UBR4: variants seen among roughly 807,000 people sequenced by gnomAD.
The protein encoded by UBR4 is ubiquitin protein ligase E3 component n-recognin 4.
UBR4 carries 124 observed loss-of-function variants against 575.6 expected under a neutral mutation model. That is an observed-to-expected ratio of 0.22 (90% CI 0.19 to 0.25). The LOEUF (loss-of-function observed/expected upper bound fraction) is 0.25, where lower values mean the gene tolerates loss of function less well. Among genes scored for constraint, UBR4 ranks in the 10% least tolerant of loss-of-function variants. The pLI, the probability that UBR4 is intolerant of heterozygous loss-of-function variation, is 1.00. For missense variants in UBR4, 4,818 were observed against 6,478.8 expected, an observed-to-expected ratio of 0.74 and a Z score of 8.80; for synonymous variants, 2,455 against 2,473.7, an observed-to-expected ratio of 0.99 and a Z score of 0.22.
At chr1:19,156,494 T>G in intron 41 of UBR4, 71 bp from the exon 42 acceptor site, 1 of 1,546,970 alleles carries the variant, frequency 6.5e-7, no homozygotes, top group South Asian at 1.2e-5. Context: ...TTCAGAGTAA[T>G]GACGTTCCCT....
At chr1:19,203,957 CT>C (rs1275112616) in intron 1 of UBR4, among the ~76,000 whole-genome samples, 1 of 151,950 alleles carries the variant, frequency 6.6e-6, no homozygotes, top group African/African-American at 2.4e-5. Flanking sequence ...CTAAATCCCC[CT>C]GTTTCTACCT....
At chr1:19,195,169 G>A (rs1247257507) in intron 8 of UBR4, among the ~76,000 whole-genome samples, 1 of 151,482 alleles carries the variant, frequency 6.6e-6, no homozygotes, top group Non-Finnish European at 1.5e-5. Context: ...GGAGGCTGAG[G>A]CAGGAGAATG....
chr1:19,172,475 C>T (rs1047883315), intron 25 of UBR4, among the ~76,000 whole-genome samples: 4 of 152,124 alleles, frequency 2.6e-5, no homozygotes, highest in African/African-American at 9.7e-5. Flanking sequence ...CAAGATCGCA[C>T]CATTGCACTC....
At chr1:19,147,827 AG>A (rs2085079828) in intron 51 of UBR4, among the ~76,000 whole-genome samples, 165 bp downstream of exon 51, 1 of 152,192 alleles carries the variant, frequency 6.6e-6, no homozygotes, top group Admixed American at 6.5e-5. Flanking sequence ...CTCGGTTTTG[AG>A]TGGCACTTGA....
At chr1:19,151,497 C>G (rs962105588) in intron 48 of UBR4, 146 bp downstream of exon 48, 1 of 852,744 alleles carries the variant, frequency 1.2e-6, no homozygotes, top group African/African-American at 1.7e-5. Context: ...TTTAATACAT[C>G]AAATGAAGCT....
intron 52 of UBR4, 53 bp from the exon 53 acceptor site, chr1:19,145,986 ATTTGT>A: frequency 4.3e-6 from 7 of 1,612,966 alleles, no homozygotes; most frequent in Non-Finnish European, 5.9e-6. Flanking sequence ...ATGGAATTTA[ATTTGT>A]TTTAAGGTTA....
rs1553226959 is a variant in UBR4 at position 19,190,312 on chromosome 1, A to AATAT, written c.1394+1872_1394+1875dup. 2.9e-3 allele frequency among the ~76,000 whole-genome samples: 230 copies of AATAT among 79,736 alleles called. 1 individual carries two copies. Among genetic ancestry groups the AATAT allele is most frequent in the Middle Eastern group, 0.014 (3 of 208 alleles). The allele number at this position is 79,736 out of a possible 152,430, so 52.3% of individuals were successfully genotyped here. A position where few individuals can be genotyped will look rare whatever the true frequency, so the allele number is the denominator to read the frequency against. ...TGCCTCAAAAAAAAAAAAAAAAAAA[A>AATAT]ATATATATATATATATATTTGTATG... On this transcript the variant is annotated intron_variant, in intron 11 of 105. Coordinates refer to ENST00000375254, the MANE Select transcript of UBR4 (RefSeq NM_020765.3).
intron 39 of UBR4, 32 bp downstream of exon 39, chr1:19,160,079 G>A (rs1300881534): frequency 5.0e-6 from 8 of 1,593,620 alleles, no homozygotes; most frequent in South Asian, 1.1e-5. Context: ...GGTTCCCACA[G>A]CCACCAAACA....
rs192408594 is a variant in UBR4 at position 19,201,705 on chromosome 1, G to C, written c.274+13C>G. On this transcript the variant is annotated intron_variant, in intron 2 of 105. Coordinates refer to ENST00000375254, the MANE Select transcript of UBR4 (RefSeq NM_020765.3). ...AAGCCCTCAGAAGGGAAGGACAAGA[G>C]TGGAATACTTACTGAGACTGCAAAC... 9.1e-5 allele frequency: 147 copies of C among 1,606,686 alleles called. 1 individual carries two copies. The African/African-American group carries it at 1.8e-3, about 19-fold the overall frequency.
Position 19,197,336 on chromosome 1 carries a change from T to C in UBR4, c.894-71A>G, listed in dbSNP as rs2092518641. The C allele has an allele frequency of 8.7e-6, 14 of 1,600,292 alleles. No homozygotes were observed. In the East Asian group the frequency reaches 3.1e-4, roughly 36 times the overall value. ...TTCTATAATGTGACAGTTAAAGAAA[T>C]TATCAGCATGGGCCCGGCACAGTGG... On this transcript the variant is annotated intron_variant, in intron 7 of 105. Transcript: ENST00000375254.
In UBR4 at chr1:19,110,121, G is replaced by C; in HGVS notation, c.12080C>G (p.Pro4027Arg). Reference sequence around the variant, plus strand: ...CTTGTTCTTCTTGCTAGTGGGAGCAGGTGGTTTTATCAGCTTCTGCAAGAT... The same window carrying C: ...CTTGTTCTTCTTGCTAGTGGGAGCACGTGGTTTTATCAGCTTCTGCAAGAT... Reference protein sequence around the residue: ...LRILQKLIKPPAPTSKKNKDV... With the variant: ...LRILQKLIKPRAPTSKKNKDV... Residue 4027 changes from proline to arginine, a missense_variant, in exon 81 of 106, where the codon CCT (proline) becomes CGT (arginine). Around this residue, in one of 29 missense-constraint regions of UBR4, gnomAD observed 333 missense variants for 459.2 expected, o/e 0.73. Transcript: ENST00000375254. The surrounding 1 kb of genome is among the most constrained non-coding windows in gnomAD (Gnocchi z 4.5). 6.2e-7 allele frequency: 1 copy of C among 1,614,170 alleles called. No individual in the cohort carries two copies. The highest frequency in any genetic ancestry group is 8.5e-7 in the Non-Finnish European group (1 of 1,180,024).
intron 94 of UBR4, 77 bp from the exon 95 acceptor site, chr1:19,094,216 G>A (rs1297002219): frequency 8.6e-7 from 1 of 1,159,210 alleles, no homozygotes; most frequent in Non-Finnish European, 1.2e-6. Context: ...AGCCCCAAAA[G>A]TCACCACTTC....
rs1442486905 is a variant in UBR4, at chr1:19,084,676, A to G, written c.14836T>C (p.Cys4946Arg). Residue 4946 changes from cysteine to arginine, a missense_variant, in exon 102 of 106, where the codon TGT becomes CGT. Coordinates refer to ENST00000375254, the MANE Select transcript of UBR4 (RefSeq NM_020765.3). Reference sequence around the variant, plus strand: ...TACGTGGGCTCCCGCTGGCCTGTACATTCCTGGAGGTAAGTGTTGTGTCTA... The same window carrying G: ...TACGTGGGCTCCCGCTGGCCTGTACGTTCCTGGAGGTAAGTGTTGTGTCTA... ...LARHNTYLQE[C>R]TGQREPTYQL... 2 of 1,612,064 alleles carry G rather than the reference A, an allele frequency of 1.2e-6. No individual in the cohort carries two copies. The highest frequency in any genetic ancestry group is 1.7e-6 in the Non-Finnish European group (2 of 1,178,714).
At chr1:19,194,485 C>T (rs2092326758) in intron 8 of UBR4, among the ~76,000 whole-genome samples, 1 of 152,058 alleles carries the variant, frequency 6.6e-6, no homozygotes, top group Non-Finnish European at 1.5e-5. Flanking sequence ...AAGATTCTGT[C>T]TCTTTTTAAA....
At chr1:19,107,210 T>C (rs2079310529) in intron 81 of UBR4, among the ~76,000 whole-genome samples, 1 of 152,212 alleles carries the variant, frequency 6.6e-6, no homozygotes, top group Admixed American at 6.5e-5. Context: ...AAGCTGTGGC[T>C]GGCTTCCTAC....
intron 101 of UBR4, among the ~76,000 whole-genome samples, chr1:19,085,171 T>C (rs917938611): frequency 7.2e-5 from 11 of 152,262 alleles, no homozygotes; most frequent in Admixed American, 2.6e-4. Flanking sequence ...TCTTATTAAC[T>C]GGGTGACCTC....
rs1174190713 is a variant in UBR4 at position 19,187,619 on chromosome 1, A to C, written c.1395-79T>G. The C allele has an allele frequency of 4.1e-6, 6 of 1,462,546 alleles. No individual in the cohort carries two copies. In the African/African-American group the frequency reaches 8.5e-5, roughly 21 times the overall value. 90.6% of individuals were successfully genotyped at this position (1,462,546 alleles called of 1,614,324 possible). The stretch of plus-strand genomic sequence containing the variant: ...AACTTCTGAAGCAGTGGATCTTGCC[A>C]TTTTGGGGTTTCAGACCCCTTTCAG... On this transcript the variant is annotated intron_variant, in intron 11 of 105. Transcript: ENST00000375254.
chr1:19,172,067 T>A (rs2089632936), intron 25 of UBR4, among the ~76,000 whole-genome samples: 1 of 152,224 alleles, frequency 6.6e-6, no homozygotes, highest in Admixed American at 6.5e-5. Context: ...CAATTTTATA[T>A]ACTGAAATTA....
rs555386578 is a variant in UBR4, at chr1:19,074,598, T to C, written c.*234A>G. On this transcript the variant is annotated 3_prime_UTR_variant, in exon 106 of 106. Transcript: ENST00000375254. ...GCCGGGACAACTCATGGCTCCTAGGTATGTACAGGCCCTTTGATGGCTTGG... is the reference window on the plus strand; with the variant it reads ...GCCGGGACAACTCATGGCTCCTAGGCATGTACAGGCCCTTTGATGGCTTGG... 3.5e-6 allele frequency: 2 copies of C among 566,030 alleles called. No individual in the cohort carries two copies. The highest frequency in any genetic ancestry group is 1.9e-5 in the African/African-American group (1 of 53,172). The allele number at this position is 566,030 out of a possible 1,614,324, so 35.1% of individuals were successfully genotyped here. A position where few individuals can be genotyped will look rare whatever the true frequency, so the allele number is the denominator to read the frequency against.
Sources: allele counts gnomAD v4.1 joint callset (sites outside exome capture counted in the v4.1 genomes callset), GRCh38; gene constraint gnomAD v4.1.1; regional missense constraint gnomAD v4.1.1; non-coding constraint Gnocchi (gnomAD v3.1); transcripts MANE v1.5; gene names NCBI Gene and HGNC (gene_info 2026-07-23, HGNC 2026-07-21).